The following ITGB4 variants were observed in gnomAD, a reference collection of about 807,000 sequenced individuals.
The protein encoded by ITGB4 is integrin beta-4.
ITGB4 carries 159 observed loss-of-function variants against 207.6 expected under a neutral mutation model. That is an observed-to-expected ratio of 0.77 (90% CI 0.67 to 0.87). The LOEUF (loss-of-function observed/expected upper bound fraction) is 0.87. Ranked by LOEUF, ITGB4 falls within the 40% of genes least tolerant of loss-of-function variation. The pLI, the probability that ITGB4 is intolerant of heterozygous loss-of-function variation, is 0.00. For missense variants in ITGB4, 2,278 were observed against 2,546.8 expected, an observed-to-expected ratio of 0.89 and a Z score of 2.27; for synonymous variants, 1,020 against 1,062.7, an observed-to-expected ratio of 0.96 and a Z score of 0.78.
rs373905851 is a variant in ITGB4 at position 75,750,892 on chromosome 17, C to A, written c.3655+32C>A. The A allele has an allele frequency of 3.3e-5, 54 of 1,613,234 alleles. No individual in the cohort carries two copies. In the African/African-American group the frequency reaches 5.9e-4, roughly 18 times the overall value. The stretch of plus-strand genomic sequence containing the variant: ...CCTCGCCATGTCTGTCCATTTGTCC[C>A]CTGGCTGCCCTGATGCCAGCATGCC... On this transcript the variant is annotated intron_variant, in intron 29 of 39. Coordinates refer to ENST00000200181, the MANE Select transcript of ITGB4 (RefSeq NM_000213.5). The surrounding 1 kb of genome is among the most constrained non-coding windows in gnomAD (Gnocchi z 5.5).
At chr17:75,748,298 G>A (rs1247505910) in intron 26 of ITGB4, among the ~76,000 whole-genome samples, 1 of 151,802 alleles carries the variant, frequency 6.6e-6, no homozygotes, top group Non-Finnish European at 1.5e-5. Context: ...GGAGGTCAAG[G>A]CTTCAGTGAG....
At chr17:75,723,013 G>A (rs1205825140) in intron 1 of ITGB4, among the ~76,000 whole-genome samples, 1 of 152,114 alleles carries the variant, frequency 6.6e-6, no homozygotes, top group Non-Finnish European at 1.5e-5. Context: ...TTCTAACATT[G>A]GCTCCTACTT....
chr17:75,753,787 C>G lies in ITGB4; in HGVS notation c.4131C>G (p.Pro1377=). ...AAGGCTGCGGCTGGAAGTTCGAGCCCCTGCTGGGGGAGGAGCTGGACCTGC... is the reference window on the plus strand; with the variant it reads ...AAGGCTGCGGCTGGAAGTTCGAGCCGCTGCTGGGGGAGGAGCTGGACCTGC... The part of the protein sequence containing the change: ...DDTGCGWKFE[P]LLGEELDLRR... Residue 1377 remains proline, a synonymous_variant, in exon 33 of 40, where the codon CCC becomes CCG. Transcript: ENST00000200181. The G allele has an allele frequency of 6.9e-7, 1 of 1,454,816 alleles. No homozygotes were observed. Among genetic ancestry groups the G allele is most frequent in the Non-Finnish European group, 9.1e-7 (1 of 1,103,484 alleles). The allele number at this position is 1,454,816 out of a possible 1,614,324, so 90.1% of individuals were successfully genotyped here. A position where few individuals can be genotyped will look rare whatever the true frequency, so the allele number is the denominator to read the frequency against.
chr17:75,734,649 C>G (rs1024378408), intron 13 of ITGB4, among the ~76,000 whole-genome samples: 4 of 152,166 alleles, frequency 2.6e-5, no homozygotes, highest in African/African-American at 9.7e-5. Flanking sequence ...ACTTATGAAG[C>G]CCTCACTGTA....
rs794726676 is a variant in ITGB4, at chr17:75,755,758, TG to T, written c.4620del (p.Thr1542HisfsTer5). The T allele has an allele frequency of 6.8e-6, 11 of 1,612,850 alleles. No individual in the cohort carries two copies. The highest frequency in any genetic ancestry group is 9.3e-6 in the Non-Finnish European group (11 of 1,179,944). ...DTPTRLVFSA[L>X]GPTSLRVSWQ... ...CCCACCCGCCTGGTGTTCTCTGCCC[TG>T]GGGCCCACATCTCTCAGAGTGAGCT... On this transcript the variant is annotated frameshift_variant, in exon 35 of 40. Transcript: ENST00000200181. LOFTEE classifies it high-confidence loss of function.
At chr17:75,749,484 C>T (rs1474344517) in intron 27 of ITGB4, among the ~76,000 whole-genome samples, 1 of 152,158 alleles carries the variant, frequency 6.6e-6, no homozygotes, top group Non-Finnish European at 1.5e-5. Flanking sequence ...GCTGTGATCG[C>T]ACCACTGCAC....
At chr17:75,721,934 T>TAGAC (rs745550325) in intron 1 of ITGB4, among the ~76,000 whole-genome samples, 6 of 151,898 alleles carry the variant, frequency 4.0e-5, no homozygotes, top group Non-Finnish European at 5.9e-5. Flanking sequence ...GAAGGTGGAG[T>TAGAC]AGACACCAGC....
At position 75,757,524 on chromosome 17, in the gene ITGB4, C is replaced by T. The variant is rs905374427; in HGVS notation, c.5438C>T (p.Thr1813Ile). 6.2e-7 allele frequency: 1 copy of T among 1,613,472 alleles called. No individual in the cohort carries two copies. Among genetic ancestry groups the T allele is most frequent in the East Asian group, 2.2e-5 (1 of 44,868 alleles). Reference protein sequence around the residue: ...RTLTTSGTLSTHMDQQFFQT With the variant: ...RTLTTSGTLSIHMDQQFFQT ...CTGACCACCAGCGGAACCCTTAGCA[C>T]CCACATGGACCAACAGTTCTTCCAA... The change falls in exon 40 of 40, where the codon ACC becomes ATC. Residue 1813 changes from threonine to isoleucine, a missense_variant. Thr to Ile is a moderately conservative substitution (Grantham distance 89). Coordinates refer to ENST00000200181, the MANE Select transcript of ITGB4 (RefSeq NM_000213.5).
In ITGB4 at chr17:75,731,431, G is replaced by A. The variant is rs553047653; in HGVS notation, c.1215+63G>A. The A allele has an allele frequency of 7.3e-5, 111 of 1,527,822 alleles. 1 individual carries two copies. In the African/African-American group the frequency reaches 8.8e-4, roughly 12 times the overall value. The allele number at this position is 1,527,822 out of a possible 1,614,324, so 94.6% of individuals were successfully genotyped here. A position where few individuals can be genotyped will look rare whatever the true frequency, so the allele number is the denominator to read the frequency against. ...ACAGCGCCCCACACCGAGTGGAATC[G>A]TTTAAAACAGCGGTCAAGAGCGTGG... On this transcript the variant is annotated intron_variant, in intron 10 of 39. Transcript: ENST00000200181. This position sits in a 1 kb window ranked among gnomAD's most constrained non-coding sequence, Gnocchi z 6.8.
intron 27 of ITGB4, 134 bp downstream of exon 27, chr17:75,749,179 C>G (rs2603494): frequency 1.3e-6 from 1 of 763,066 alleles, no homozygotes; most frequent in African/African-American, 1.7e-5. Flanking sequence ...AAACAACATA[C>G]ACGTTGGTAG....
chr17:75,729,290 GA>G lies in ITGB4; in HGVS notation c.593del (p.Asp198AlafsTer12). Reference sequence around the variant, plus strand: ...GCTGAAGGAGCCCTGGCCCAACAGTGACCCCCCCTTCTCCTTCAAGAACGTC... The same window carrying G: ...GCTGAAGGAGCCCTGGCCCAACAGTGCCCCCCCTTCTCCTTCAAGAACGTC... ...EKLKEPWPNS[D>X]PPFSFKNVIS... On this transcript the variant is annotated frameshift_variant, in exon 7 of 40. Coordinates refer to ENST00000200181, the MANE Select transcript of ITGB4 (RefSeq NM_000213.5). LOFTEE classifies it high-confidence loss of function. The surrounding 1 kb of genome is among the most constrained non-coding windows in gnomAD (Gnocchi z 4.4). The G allele has an allele frequency of 6.2e-7, 1 of 1,614,054 alleles. No individual in the cohort carries two copies.
intron 34 of ITGB4, chr17:75,755,318 T>C: frequency 8.0e-7 from 1 of 1,245,744 alleles, no homozygotes; most frequent in Non-Finnish European, 1.1e-6. Context: ...CTCCATTCCA[T>C]CCACAGGACC....
At chr17:75,751,186 C>A in intron 30 of ITGB4, 75 bp downstream of exon 30, 1 of 1,549,172 alleles carries the variant, frequency 6.5e-7, no homozygotes. Flanking sequence ...CTGGAGGGAG[C>A]TCTTGGTCAC....
At position 75,748,680 on chromosome 17, in the gene ITGB4, A is replaced by C. The variant is rs1002048617; in HGVS notation, c.3112-161A>C. Among the ~76,000 whole-genome samples the C allele has an allele frequency of 2.0e-5, 3 of 151,692 alleles. No homozygotes were observed. In the South Asian group the frequency reaches 6.3e-4, roughly 32 times the overall value. On this transcript the variant is annotated intron_variant, in intron 26 of 39. Coordinates refer to ENST00000200181, the MANE Select transcript of ITGB4 (RefSeq NM_000213.5). ...GTGAGATTACGCCTCAAAAAAAAAA[A>C]CAAACAAAAAAAACACAAAAACCTG...
rs1203599975 is a variant in ITGB4, at chr17:75,757,571, C to T, written c.*16C>T. 2 of 1,613,008 alleles carry T rather than the reference C, an allele frequency of 1.2e-6. No individual in the cohort carries two copies. Among genetic ancestry groups the T allele is most frequent in the Admixed American group, 3.3e-5 (2 of 59,978 alleles). ...CCAAACTTGACCGCACCCTGCCCCA[C>T]CCCCGCCACGTCCCACTAGGCGTCC... On this transcript the variant is annotated 3_prime_UTR_variant, in exon 40 of 40. Transcript: ENST00000200181.
At chr17:75,737,772 CT>C in intron 18 of ITGB4, 128 bp downstream of exon 18, 1 of 802,502 alleles carries the variant, frequency 1.2e-6, no homozygotes, top group Non-Finnish European at 2.1e-6. Context: ...CAACCCCTTC[CT>C]GGGTCCCCAC....
chr17:75,728,236 G>A, intron 5 of ITGB4, 141 bp from the exon 6 acceptor site: 1 of 717,430 alleles, frequency 1.4e-6, no homozygotes, highest in Non-Finnish European at 2.5e-6. Context: ...AACAGACAAT[G>A]TTGTGAGCAT....
At chr17:75,754,971 C>T in intron 34 of ITGB4, 156 bp downstream of exon 34, 1 of 1,534,224 alleles carries the variant, frequency 6.5e-7, no homozygotes, top group Non-Finnish European at 8.9e-7. Flanking sequence ...CGCATGCACA[C>T]ATGTACACAG....
chr17:75,731,958 G>A lies in ITGB4; in HGVS notation c.1362G>A (p.Val454=). 6.2e-7 allele frequency: 1 copy of A among 1,614,050 alleles called. No individual in the cohort carries two copies. The highest frequency in any genetic ancestry group is 8.5e-7 in the Non-Finnish European group (1 of 1,180,046). ...TGGACGCGGGCATCATCTGTGATGT[G>A]TGCACCTGCGAGCTGGTACAACGCA... ...LKMDAGIICD[V]CTCELQKEVR... Residue 454 remains valine (V), a synonymous_variant, in exon 11 of 40, where the codon GTG becomes GTA. Coordinates refer to ENST00000200181, the MANE Select transcript of ITGB4 (RefSeq NM_000213.5). This position sits in a 1 kb window ranked among gnomAD's most constrained non-coding sequence, Gnocchi z 6.8.
Sources: allele counts gnomAD v4.1 joint callset (sites outside exome capture counted in the v4.1 genomes callset), GRCh38; gene constraint gnomAD v4.1.1; non-coding constraint Gnocchi (gnomAD v3.1); transcripts MANE v1.5; gene names NCBI Gene and HGNC (gene_info 2026-07-23, HGNC 2026-07-21).